Variants in PYCR3 observed in about 807,000 individuals in gnomAD.
The protein encoded by PYCR3 is pyrroline-5-carboxylate reductase 3.
PYCR3 carries 26 observed loss-of-function variants against 23.4 expected under a neutral mutation model. The ratio of observed to expected loss-of-function variants is 1.11; its 90% confidence interval spans 0.81 to 1.54. PYCR3 has a LOEUF of 1.54. Ranked by LOEUF, PYCR3 falls within the 40% of genes most tolerant of loss-of-function variation. The pLI is 0.00. For synonymous variants in PYCR3, 194 were observed against 162.6 expected (o/e 1.19, Z -1.47); for missense variants, 360 against 376.3 (o/e 0.96, Z 0.36).
chr8:143,606,007 G>T, intron 5 of PYCR3, 55 bp downstream of exon 5: 20 of 1,568,270 alleles, frequency 1.3e-5, no homozygotes, highest in Admixed American at 7.2e-5. Flanking sequence ...CTGCGCACTG[G>T]AAGAGGTACA....
chr8:143,607,253 G>C lies in PYCR3; in HGVS notation c.157-121C>G, dbSNP rs1443023308. 5 of 982,574 alleles carry C rather than the reference G, an allele frequency of 5.1e-6. No individual in the cohort carries two copies. In the East Asian group the frequency reaches 1.4e-4, roughly 27 times the overall value. 60.9% of individuals were successfully genotyped at this position (982,574 alleles called of 1,614,324 possible). On this transcript the variant is annotated intron_variant, in intron 2 of 5. Coordinates refer to ENST00000495276, the MANE Select transcript of PYCR3 (RefSeq NM_023078.6). ...GGTCCCAGGGCCTCTCCCATTGCAA[G>C]TGTCTAGACCACCCCGACTTCTCCA...
chr8:143,606,850 G>A, intron 3 of PYCR3, 103 bp downstream of exon 3: 2 of 1,397,574 alleles, frequency 1.4e-6, no homozygotes, highest in Non-Finnish European at 2.0e-6. Flanking sequence ...ATCCAGGTGG[G>A]CCACACGGCC....
chr8:143,606,319 CCCGGGGACAAGCAGAGCT>C, intron 4 of PYCR3, 130 bp downstream of exon 4: 1 of 1,084,700 alleles, frequency 9.2e-7, no homozygotes. Context: ...GCAGTGAAGT[CCCGGGGACAAGCAGAGCT>C]CCCAGTGGGC....
rs1447397033 is a variant in PYCR3 at position 143,604,489 on chromosome 8, T to C, written c.*1211A>G. 1.7e-5 allele frequency: 4 copies of C among 242,088 alleles called. No individual in the cohort carries two copies. The highest frequency in any genetic ancestry group is 3.3e-5 in the Non-Finnish European group (4 of 121,334). 15.0% of individuals were successfully genotyped at this position (242,088 alleles called of 1,614,324 possible). A position where few individuals can be genotyped will look rare whatever the true frequency, so the allele number is the denominator to read the frequency against. The stretch of plus-strand genomic sequence containing the variant: ...AGGTGCCGTTAGCCCTGTTTTGCAC[T>C]GGTGGATTGATCTGCTCAGGCGCAC... On this transcript the variant is annotated 3_prime_UTR_variant, in exon 6 of 6. Transcript: ENST00000495276.
intron 1 of PYCR3, chr8:143,608,922 T>C (rs1475718787): frequency 4.4e-6 from 2 of 456,860 alleles, no homozygotes; most frequent in Admixed American, 4.7e-5. Context: ...CTATCCACAA[T>C]CTGCAGAGAG....
chr8:143,605,830 G>A lies in PYCR3; in HGVS notation c.695C>T (p.Ser232Leu), dbSNP rs574926321. 2.5e-6 allele frequency: 4 copies of A among 1,611,856 alleles called. No homozygotes were observed. The highest frequency in any genetic ancestry group is 2.2e-5 in the East Asian group (1 of 44,852). The change falls in exon 6 of 6, where the codon TCA (serine) becomes TTA (leucine). Residue 232 changes from serine (S) to leucine (L), a missense_variant. Coordinates refer to ENST00000495276, the MANE Select transcript of PYCR3 (RefSeq NM_023078.6). The part of the protein sequence containing the change: ...HEGQHPAQLR[S>L]DVCTPGGTTI... ...GGTGCCACCCGGGGTGCACACGTCT[G>A]AGCGCAGCTGGGCTGGGTGTTGGCC...
chr8:143,606,277 C>G (rs981644634), intron 4 of PYCR3, 123 bp from the exon 5 acceptor site: 7 of 1,133,766 alleles, frequency 6.2e-6, no homozygotes, highest in Non-Finnish European at 8.9e-6. Flanking sequence ...GCCCAACGGT[C>G]TGCAAAGGGG....
At chr8:143,609,197 C>G (rs1411793386) in intron 1 of PYCR3, among the ~76,000 whole-genome samples, 1 of 152,376 alleles carries the variant, frequency 6.6e-6, no homozygotes, top group African/African-American at 2.4e-5. Context: ...AAGAGAAAAT[C>G]AGAGGCTGGA....
At chr8:143,606,900 C>T in intron 3 of PYCR3, 53 bp downstream of exon 3, 10 of 1,520,694 alleles carry the variant, frequency 6.6e-6, no homozygotes, top group Non-Finnish European at 8.9e-6. Flanking sequence ...CCGCCCAAGC[C>T]TGGCCAGCAG....
chr8:143,605,859 G>C lies in PYCR3; in HGVS notation c.666C>G (p.His222Gln). Residue 222 changes from histidine (H) to glutamine (Q), a missense_variant, in exon 6 of 6, where the codon CAC (histidine) becomes CAG (glutamine). Transcript: ENST00000495276. ...TLLGTAKMLL[H>Q]EGQHPAQLRS... is the part of the protein sequence containing the mutation. The stretch of plus-strand genomic sequence containing the variant: ...GCAGCTGGGCTGGGTGTTGGCCCTC[G>C]TGCAGCAGCATCTTGGCCGTCCCCT... The C allele has an allele frequency of 6.2e-7, 1 of 1,609,230 alleles. No homozygotes were observed. The highest frequency in any genetic ancestry group is 8.5e-7 in the Non-Finnish European group (1 of 1,177,968).
At position 143,605,769 on chromosome 8, in the gene PYCR3, C is replaced by A. The variant is rs769578828; in HGVS notation, c.756G>T (p.Gly252=). 4 of 1,611,184 alleles carry A rather than the reference C, an allele frequency of 2.5e-6. No homozygotes were observed. Among genetic ancestry groups the A allele is most frequent in the Non-Finnish European group, 2.5e-6 (3 of 1,178,946 alleles). ...IYGLHALEQG[G]LRAATMSAVE... ...CGGCGCTCATGGTGGCTGCTCGCAG[C>A]CCGCCCTGCTCCAGGGCGTGGAGTC... Residue 252 remains glycine (G), a synonymous_variant, in exon 6 of 6, where the codon GGG becomes GGT. Coordinates refer to ENST00000495276, the MANE Select transcript of PYCR3 (RefSeq NM_023078.6).
At position 143,603,896 on chromosome 8, in the gene PYCR3, C is replaced by CTTGT. The variant is rs3058417; in HGVS notation, c.*1803_*1804insACAA. The CTTGT allele has an allele frequency of 0.77, 115,720 of 149,418 alleles. 46,372 individuals are homozygous for CTTGT. The highest frequency in any genetic ancestry group is 0.87 in the Non-Finnish European group (58,260 of 67,170). The allele number at this position is 149,418 out of a possible 1,614,324, so 9.3% of individuals were successfully genotyped here. A position where few individuals can be genotyped will look rare whatever the true frequency, so the allele number is the denominator to read the frequency against. On this transcript the variant is annotated 3_prime_UTR_variant, in exon 6 of 6. Transcript: ENST00000495276. ...TCAACTTATGGGGCAGGCATTGGAC[C>CTTGT]TTCTTTTTTTTTTTTTCCAAGACAG...
At chr8:143,605,930 C>T (rs1255571284) in intron 5 of PYCR3, 48 bp from the exon 6 acceptor site, 1 of 1,579,816 alleles carries the variant, frequency 6.3e-7, no homozygotes, top group Non-Finnish European at 8.6e-7. Context: ...GGTGCGGTCC[C>T]CACTGTGCGG....
chr8:143,607,135 G>C lies in PYCR3; in HGVS notation c.157-3C>G, dbSNP rs1375333996. 1 of 1,562,238 alleles carries C rather than the reference G, an allele frequency of 6.4e-7. No homozygotes were observed. Among genetic ancestry groups the C allele is most frequent in the Non-Finnish European group, 8.7e-7 (1 of 1,152,564 alleles). ...TGCGTGGTCCGGCAACCCAGAGCCT[G>C]CGCCAGGGACACCAGGACCAAGCCT... is the stretch of plus-strand genomic sequence containing the variant. On this transcript the variant is annotated splice_region_variant and splice_polypyrimidine_tract_variant and intron_variant, in intron 2 of 5. Transcript: ENST00000495276.
chr8:143,603,451 C>T lies in PYCR3; in HGVS notation c.*2249G>A, dbSNP rs1015466169. 3.3e-5 allele frequency among the ~76,000 whole-genome samples: 5 copies of T among 152,200 alleles called. No individual in the cohort carries two copies. The highest frequency in any genetic ancestry group is 2.9e-5 in the Non-Finnish European group (2 of 68,042). Reference sequence around the variant, plus strand: ...TCCCTGCCGTGCCGAGAACTGAGCCCGTGTCTTTGTCACAGGCCCTCACCA... The same window carrying T: ...TCCCTGCCGTGCCGAGAACTGAGCCTGTGTCTTTGTCACAGGCCCTCACCA... On this transcript the variant is annotated 3_prime_UTR_variant, in exon 6 of 6. Coordinates refer to ENST00000495276, the MANE Select transcript of PYCR3 (RefSeq NM_023078.6).
At chr8:143,608,960 G>A in intron 1 of PYCR3, 2 of 454,034 alleles carry the variant, frequency 4.4e-6, no homozygotes, top group East Asian at 7.0e-5. Flanking sequence ...GGAGTATATG[G>A]TCAGCATAAA....
In PYCR3 at chr8:143,609,464, TGATGA is replaced by T. The variant is rs763040220; in HGVS notation, c.80_84del (p.Leu27GlnfsTer67). 15 of 1,508,982 alleles carry T rather than the reference TGATGA, an allele frequency of 9.9e-6. No homozygotes were observed. The South Asian group carries it at 1.8e-4, about 18-fold the overall frequency. 93.5% of individuals were successfully genotyped at this position (1,508,982 alleles called of 1,614,324 possible). On this transcript the variant is annotated frameshift_variant, in exon 1 of 6. Transcript: ENST00000495276. LOFTEE classifies it high-confidence loss of function. ...TAGCCCCGCGCCGCCCCACCTGCTC[TGATGA>T]GGCCCTGCGCGATGGCCCCCGCCAT...
intron 4 of PYCR3, 31 bp from the exon 5 acceptor site, chr8:143,606,185 T>C (rs199905772): frequency 1.5e-5 from 23 of 1,507,714 alleles, no homozygotes; most frequent in Non-Finnish European, 2.1e-5. Flanking sequence ...TTGGGGGGGA[T>C]AGGTGTCAAA....
At chr8:143,608,643 G>A in intron 1 of PYCR3, 2 of 314,672 alleles carry the variant, frequency 6.4e-6, no homozygotes, top group Admixed American at 8.6e-5. Context: ...TTAGATTTTG[G>A]TAAGGTCGAA....
Sources: gnomAD v4.1 joint callset for allele counts (sites outside exome capture counted in the v4.1 genomes callset) on GRCh38, gnomAD v4.1.1 for gene constraint, MANE v1.5 for transcripts, NCBI Gene and HGNC (gene_info 2026-07-23, HGNC 2026-07-21) for gene names.